ZNF644: variants seen among roughly 807,000 people sequenced by gnomAD.
ZNF644 encodes the protein zinc finger protein 644, also known as zinc finger motif enhancer binding protein 2.
In ZNF644, 20 loss-of-function variants were observed where a neutral mutation model predicts 108.0. That is an observed-to-expected ratio of 0.19 (90% CI 0.13 to 0.27). The LOEUF (loss-of-function observed/expected upper bound fraction) is 0.27, where lower values mean the gene tolerates loss of function less well. Ranked by LOEUF, ZNF644 falls within the 10% of genes least tolerant of loss-of-function variation. The pLI, the probability that ZNF644 is intolerant of heterozygous loss-of-function variation, is 1.00. For missense variants in ZNF644, 1,338 were observed against 1,548.9 expected (o/e 0.86, Z 2.29); for synonymous variants, 542 against 539.1 (o/e 1.01, Z -0.08).
At chr1:90,975,216 C>G (rs994203424) in intron 2 of ZNF644, among the ~76,000 whole-genome samples, 1 of 152,166 alleles carries the variant, frequency 6.6e-6, no homozygotes, top group African/African-American at 2.4e-5. Context: ...TGGCCCTTGC[C>G]TTCCAGGAAC....
intron 4 of ZNF644, among the ~76,000 whole-genome samples, chr1:90,928,316 C>T (rs1650297268): frequency 8.9e-6 from 1 of 112,324 alleles, no homozygotes; most frequent in African/African-American, 3.4e-5. Context: ...CCACACTGGG[C>T]TGATTTTTTT....
intron 2 of ZNF644, 96 bp from the exon 3 acceptor site, chr1:90,941,405 T>A (rs1651972657): frequency 2.8e-6 from 3 of 1,053,018 alleles, no homozygotes; most frequent in Admixed American, 2.8e-5. Flanking sequence ...ATTAGTTTAA[T>A]TTTCTACTCT....
chr1:90,952,186 C>A (rs1281530147), intron 2 of ZNF644, among the ~76,000 whole-genome samples: 2 of 152,094 alleles, frequency 1.3e-5, no homozygotes, highest in Non-Finnish European at 2.9e-5. Flanking sequence ...AAAGGGTCAC[C>A]TTGGTTTAGC....
Position 90,937,611 on chromosome 1 carries a change from T to C in ZNF644, c.3562A>G (p.Ile1188Val), listed in dbSNP as rs767792145. Residue 1188 changes from isoleucine to valine, a missense_variant, in exon 4 of 6, where the codon ATT becomes GTT. Ile to Val is a conservative substitution (Grantham distance 29). Around this residue, in one of 6 missense-constraint regions of ZNF644, gnomAD observed 287 missense variants for 310.9 expected, o/e 0.92. Transcript: ENST00000337393. ...TGATTATGGATCTTTTGAGGAGAAA[T>C]AGCAGAATTCCTTTCTTCTCCCATC... ...KRMGEERNSAISPQKIHNQTA... is the reference protein window; with the variant it reads ...KRMGEERNSAVSPQKIHNQTA... 6.8e-6 allele frequency: 11 copies of C among 1,613,910 alleles called. No homozygotes were observed. Among genetic ancestry groups the C allele is most frequent in the East Asian group, 6.7e-5 (3 of 44,852 alleles).
At chr1:90,933,208 A>G (rs1413879298) in intron 4 of ZNF644, among the ~76,000 whole-genome samples, 2 of 152,188 alleles carry the variant, frequency 1.3e-5, no homozygotes, top group Non-Finnish European at 2.9e-5. Flanking sequence ...TGGACTGGAG[A>G]TATCTTGCCT....
chr1:90,953,489 C>T (rs1167081980), intron 2 of ZNF644, among the ~76,000 whole-genome samples: 1 of 151,528 alleles, frequency 6.6e-6, no homozygotes, highest in African/African-American at 2.4e-5. Context: ...ACACATTTAC[C>T]TATGTAACCA....
chr1:90,970,161 T>G (rs1655313060), intron 2 of ZNF644, among the ~76,000 whole-genome samples: 2 of 152,238 alleles, frequency 1.3e-5, no homozygotes, highest in Non-Finnish European at 2.9e-5. Context: ...TAGATTAATA[T>G]CTGGATAAGC....
intron 2 of ZNF644, among the ~76,000 whole-genome samples, chr1:90,952,678 A>ATTTT (rs1653296670): frequency 6.6e-6 from 1 of 152,182 alleles, no homozygotes; most frequent in Admixed American, 6.5e-5. Flanking sequence ...GGGAGACAAA[A>ATTTT]GGATGGAAAA....
intron 1 of ZNF644, among the ~76,000 whole-genome samples, chr1:90,985,153 A>T (rs1465518436): frequency 2.0e-5 from 3 of 152,168 alleles, no homozygotes; most frequent in African/African-American, 7.2e-5. Flanking sequence ...CACATTTTAG[A>T]CACTTTATTT....
chr1:91,017,610 G>T (rs972963506), intron 1 of ZNF644, among the ~76,000 whole-genome samples: 1 of 152,258 alleles, frequency 6.6e-6, no homozygotes, highest in South Asian at 2.1e-4. Flanking sequence ...GAAATTAAAA[G>T]AATAAAAATA....
chr1:91,012,286 T>C (rs915191259), intron 1 of ZNF644, among the ~76,000 whole-genome samples: 35 of 147,068 alleles, frequency 2.4e-4, no homozygotes, highest in African/African-American at 8.1e-4. Flanking sequence ...CCGGGCAACA[T>C]GGTAAAACCC....
In ZNF644 at chr1:91,003,291, T is replaced by A. The variant is rs573858474; in HGVS notation, c.-18+18699A>T. 4.1e-4 allele frequency among the ~76,000 whole-genome samples: 63 copies of A among 152,258 alleles called. No homozygotes were observed. The South Asian group carries it at 0.012, about 30-fold the overall frequency. On this transcript the variant is annotated intron_variant, in intron 1 of 5. Transcript: ENST00000337393. ...GACTTGGAACCAACCCAAATGTCCA[T>A]CAATGATAGACTGGATTAAGAAAAT...
At position 90,930,829 on chromosome 1, in the gene ZNF644, T is replaced by A. The variant is rs560420375; in HGVS notation, c.3688+6656A>T. On this transcript the variant is annotated intron_variant, in intron 4 of 5. Coordinates refer to ENST00000337393, the MANE Select transcript of ZNF644 (RefSeq NM_201269.3). Reference sequence around the variant, plus strand: ...AAAGATAACAACATGCTATCTACCATAGAAAAGCATTGTGGCATTCATCTG... The same window carrying A: ...AAAGATAACAACATGCTATCTACCAAAGAAAAGCATTGTGGCATTCATCTG... Among the ~76,000 whole-genome samples the A allele has an allele frequency of 2.0e-5, 3 of 152,320 alleles. No homozygotes were observed. The South Asian group carries it at 6.2e-4, about 32-fold the overall frequency.
At chr1:90,981,554 A>G (rs919880916) in intron 2 of ZNF644, among the ~76,000 whole-genome samples, 5 of 152,032 alleles carry the variant, frequency 3.3e-5, no homozygotes, top group African/African-American at 1.2e-4. Flanking sequence ...AAACCAAGTT[A>G]ACTCCAATTT....
intron 2 of ZNF644, among the ~76,000 whole-genome samples, chr1:90,948,343 T>C (rs1421675470): frequency 5.9e-5 from 9 of 152,218 alleles, no homozygotes; most frequent in Admixed American, 3.9e-4. Context: ...AGGCACATTA[T>C]AGTATGCACA....
At chr1:90,925,438 A>G (rs1387050568) in intron 4 of ZNF644, among the ~76,000 whole-genome samples, 1 of 152,140 alleles carries the variant, frequency 6.6e-6, no homozygotes, top group Non-Finnish European at 1.5e-5. Context: ...ACTTGAACCT[A>G]TGCTCCCAGG....
chr1:91,017,856 A>G (rs1174664177), intron 1 of ZNF644, among the ~76,000 whole-genome samples: 2 of 152,058 alleles, frequency 1.3e-5, no homozygotes, highest in Admixed American at 1.3e-4. Context: ...CAGCTACTTG[A>G]GAGGCTGAGA....
At chr1:90,924,101 A>G (rs1570338019) in intron 4 of ZNF644, among the ~76,000 whole-genome samples, 1 of 152,312 alleles carries the variant, frequency 6.6e-6, no homozygotes, top group East Asian at 1.9e-4. Context: ...ACTTCATCAC[A>G]CATTTTTATA....
At chr1:90,968,516 G>A (rs976674185) in intron 2 of ZNF644, among the ~76,000 whole-genome samples, 8 of 152,220 alleles carry the variant, frequency 5.3e-5, no homozygotes, top group African/African-American at 1.7e-4. Flanking sequence ...TCTCTGAATT[G>A]AGAAAATAAG....
Sources: gnomAD v4.1 joint callset for allele counts (sites outside exome capture counted in the v4.1 genomes callset) on GRCh38, gnomAD v4.1.1 for gene constraint, gnomAD v4.1.1 regional missense constraint, MANE v1.5 for transcripts, NCBI Gene and HGNC (gene_info 2026-07-23, HGNC 2026-07-21) for gene names.